NDUFA10: variants seen among roughly 807,000 people sequenced by gnomAD.
The protein encoded by NDUFA10 is NADH:ubiquinone oxidoreductase subunit A10, also known as NADH dehydrogenase [ubiquinone] 1 alpha subcomplex subunit 10, mitochondrial.
NDUFA10 carries 40 observed loss-of-function variants against 47.8 expected under a neutral mutation model. The ratio of observed to expected loss-of-function variants is 0.84; its 90% CI spans 0.65 to 1.09. The LOEUF is 1.09. NDUFA10 is among the 50% of genes least tolerant of loss of function. The pLI is 0.00. For missense variants in NDUFA10, 413 were observed against 451.1 expected, an observed-to-expected ratio of 0.92 and a Z score of 0.76; for synonymous variants, 183 against 172.2, an observed-to-expected ratio of 1.06 and a Z score of -0.49.
chr2:240,014,734 A>T lies in NDUFA10; in HGVS notation c.669+5T>A, dbSNP rs370842353. 6.2e-7 allele frequency: 1 copy of T among 1,614,056 alleles called. No individual in the cohort carries two copies. The highest frequency in any genetic ancestry group is 8.5e-7 in the Non-Finnish European group (1 of 1,180,022). Reference sequence around the variant, plus strand: ...TGCTTGGCCTTTGATTGAAAACTGCATTACATCTCCTTTCTTCTGAATCCG... The same window carrying T: ...TGCTTGGCCTTTGATTGAAAACTGCTTTACATCTCCTTTCTTCTGAATCCG... On this transcript the variant is annotated splice_donor_5th_base_variant and intron_variant, in intron 5 of 9. Transcript: ENST00000252711.
intron 9 of NDUFA10, among the ~76,000 whole-genome samples, chr2:239,963,295 G>A (rs987868251): frequency 6.6e-6 from 1 of 152,258 alleles, no homozygotes; most frequent in Non-Finnish European, 1.5e-5. Flanking sequence ...CAGGCAGCTA[G>A]TCTGGCAGAG....
chr2:239,970,051 C>T (rs903325918), intron 9 of NDUFA10, among the ~76,000 whole-genome samples: 2 of 152,170 alleles, frequency 1.3e-5, no homozygotes, highest in African/African-American at 4.8e-5. Context: ...CAATAAACCC[C>T]AGGCAGGATA....
chr2:240,017,401 C>A (rs1343686148), intron 4 of NDUFA10, among the ~76,000 whole-genome samples: 2 of 152,190 alleles, frequency 1.3e-5, no homozygotes, highest in Non-Finnish European at 2.9e-5. Flanking sequence ...AGATGACAGG[C>A]CATTCATCAA....
chr2:240,000,052 G>A (rs577339653), intron 8 of NDUFA10, among the ~76,000 whole-genome samples: 5 of 152,226 alleles, frequency 3.3e-5, no homozygotes, highest in South Asian at 2.1e-4. Flanking sequence ...ACTGCCAGTC[G>A]TGGAAGAGTC....
chr2:239,922,027 T>C (rs1382627122), intron 4 of NDUFA10, among the ~76,000 whole-genome samples: 1 of 108,600 alleles, frequency 9.2e-6, no homozygotes, highest in East Asian at 4.3e-4. Flanking sequence ...CCTTCTTCCT[T>C]CTTTCCTTCC....
intron 4 of NDUFA10, among the ~76,000 whole-genome samples, chr2:239,941,050 C>T (rs1694352052): frequency 6.6e-6 from 1 of 152,102 alleles, no homozygotes; most frequent in Admixed American, 6.5e-5. Flanking sequence ...GAAGGGTAAG[C>T]GAAACTGGAC....
chr2:240,018,489 G>C, intron 4 of NDUFA10, 64 bp downstream of exon 4: 1 of 1,613,934 alleles, frequency 6.2e-7, no homozygotes, highest in Non-Finnish European at 8.5e-7. Flanking sequence ...TGCAAGGTGA[G>C]TCTATCACAG....
chr2:239,950,742 C>T (rs560741266), intron 4 of NDUFA10, among the ~76,000 whole-genome samples: 4 of 152,312 alleles, frequency 2.6e-5, no homozygotes, highest in African/African-American at 7.2e-5. Context: ...GGCAGCCGCA[C>T]GCCTGTCTGT....
At chr2:239,969,616 T>C (rs1695230328) in intron 9 of NDUFA10, 2 of 470,546 alleles carry the variant, frequency 4.3e-6, no homozygotes, top group African/African-American at 2.0e-5. Context: ...TCCTGGATTC[T>C]TTCTTCCTGT....
chr2:240,019,258 A>G (rs2106496973), intron 3 of NDUFA10, among the ~76,000 whole-genome samples: 1 of 152,188 alleles, frequency 6.6e-6, no homozygotes, highest in South Asian at 2.1e-4. Flanking sequence ...CTCTACTAAA[A>G]CACAGGCTTC....
intron 4 of NDUFA10, among the ~76,000 whole-genome samples, chr2:239,902,287 A>G (rs1458038640): frequency 1.3e-5 from 2 of 152,170 alleles, no homozygotes; most frequent in Admixed American, 6.5e-5. Context: ...GGCCACCCCA[A>G]TCTTCAGCAG....
rs116659504 is a variant in NDUFA10, at chr2:239,994,696, C to T, written c.891-4514G>A. On this transcript the variant is annotated intron_variant, in intron 8 of 9. Transcript: ENST00000252711. ...CCCTGGTGCCAAAAAGGTTTGGGAC[C>T]GCTGCAATAGAGCAGTTTAAAGAGA... Among the ~76,000 whole-genome samples, 781 of 152,084 alleles carry T rather than the reference C, an allele frequency of 5.1e-3. 7 individuals are homozygous for T. The highest frequency in any genetic ancestry group is 0.018 in the African/African-American group (746 of 41,472).
intron 4 of NDUFA10, among the ~76,000 whole-genome samples, chr2:239,908,251 G>T (rs959179310): frequency 1.3e-5 from 2 of 151,984 alleles, no homozygotes; most frequent in Non-Finnish European, 2.9e-5. Flanking sequence ...CTGTTGTGGG[G>T]TGGGGGGAGA....
rs563520364 is a variant in NDUFA10, at chr2:240,022,451, A to G, written c.76-111T>C. 8.8e-5 allele frequency: 128 copies of G among 1,458,064 alleles called. 1 individual carries two copies. The South Asian group carries it at 1.5e-3, about 17-fold the overall frequency. 90.3% of individuals were successfully genotyped at this position (1,458,064 alleles called of 1,614,324 possible). ...AAACCTCTTAGTGATAAAAATGCCA[A>G]CATCTACATCTTTATTGCCTATTAA... On this transcript the variant is annotated intron_variant, in intron 1 of 9. Transcript: ENST00000252711.
At position 239,960,149 on chromosome 2, in the gene NDUFA10, T is replaced by C. The variant is rs1039936753; in HGVS notation, c.*969A>G. 3.1e-6 allele frequency: 3 copies of C among 982,788 alleles called. No individual in the cohort carries two copies. The highest frequency in any genetic ancestry group is 1.1e-4 in the East Asian group (1 of 8,812). 60.9% of individuals were successfully genotyped at this position (982,788 alleles called of 1,614,324 possible). On this transcript the variant is annotated 3_prime_UTR_variant, in exon 10 of 10. Transcript: ENST00000252711. ...TTACAGTGGAAAACCCACAGTTCAG[T>C]AGGACTCACAACTGGCAGCCTGATT...
intron 4 of NDUFA10, among the ~76,000 whole-genome samples, chr2:239,924,954 G>A (rs1231218039): frequency 1.3e-5 from 2 of 152,078 alleles, no homozygotes; most frequent in Non-Finnish European, 2.9e-5. Context: ...ACAATGCAGT[G>A]TATTTACAAT....
intron 9 of NDUFA10, among the ~76,000 whole-genome samples, chr2:239,970,657 C>T (rs1695271829): frequency 6.6e-6 from 1 of 152,210 alleles, no homozygotes; most frequent in Non-Finnish European, 1.5e-5. Context: ...GGGCCAGATA[C>T]CTGCATTCTG....
chr2:239,938,153 C>A (rs116309272), intron 4 of NDUFA10, among the ~76,000 whole-genome samples: 1,641 of 152,294 alleles, frequency 0.011, 34 homozygotes, highest in African/African-American at 0.037. Context: ...CTTCTCTTCT[C>A]GGACAGCTCC....
At chr2:239,951,878 T>A (rs756077865) in intron 4 of NDUFA10, among the ~76,000 whole-genome samples, 6 of 152,238 alleles carry the variant, frequency 3.9e-5, no homozygotes, top group Admixed American at 6.5e-5. Flanking sequence ...GGAAGGACAG[T>A]GGGACCCAGG....
Sources: gnomAD v4.1 joint callset for allele counts (sites outside exome capture counted in the v4.1 genomes callset) on GRCh38, gnomAD v4.1.1 for gene constraint, MANE v1.5 for transcripts, NCBI Gene and HGNC (gene_info 2026-07-23, HGNC 2026-07-21) for gene names.